The following NBEAL2 variants were observed in gnomAD, a reference collection of about 807,000 sequenced individuals.
NBEAL2 encodes neurobeachin-like protein 2.
Under a neutral mutation model 299.8 loss-of-function variants are expected in NBEAL2, and 160 were observed. That is an observed-to-expected ratio of 0.53 (90% CI 0.47 to 0.61). NBEAL2 has a LOEUF of 0.61. NBEAL2 is among the 20% of genes least tolerant of loss of function. The pLI is 0.00. For synonymous variants in NBEAL2, 1,493 were observed against 1,542.3 expected (o/e 0.97, Z 0.75); for missense variants, 3,112 against 3,649.0 (o/e 0.85, Z 3.79).
At position 47,005,975 on chromosome 3, in the gene NBEAL2, C is replaced by T. The variant is rs779972608; in HGVS notation, c.6831C>T (p.His2277=). The T allele has an allele frequency of 2.3e-5, 37 of 1,613,642 alleles. No individual in the cohort carries two copies. The highest frequency in any genetic ancestry group is 2.9e-5 in the Non-Finnish European group (34 of 1,179,900). The change falls in exon 43 of 54, where the codon CAC becomes CAT. Residue 2277 remains histidine (H), a synonymous_variant. Transcript: ENST00000450053. ...CGGAGTATGTGTCTGCACACCTACA[C>T]GAGTGGATCGACCTCATCTTTGGCT... is the stretch of plus-strand genomic sequence containing the variant. ...LESEYVSAHL[H]EWIDLIFGYK...
In NBEAL2 at chr3:46,996,254, C is replaced by A; in HGVS notation, c.2152-17C>A. On this transcript the variant is annotated splice_polypyrimidine_tract_variant and intron_variant, in intron 15 of 53. Transcript: ENST00000450053. ...TTCTGCTGTGACCTGACCGCTCCCC[C>A]AACCCCGGCCCCACAGCCTTTCTCC... 3.1e-6 allele frequency: 5 copies of A among 1,603,380 alleles called. No individual in the cohort carries two copies. The Middle Eastern group carries it at 5.0e-4, about 162-fold the overall frequency.
intron 39 of NBEAL2, 42 bp from the exon 40 acceptor site, chr3:47,005,139 C>T (rs760109794): frequency 1.2e-5 from 20 of 1,613,566 alleles, no homozygotes; most frequent in East Asian, 2.2e-5. Context: ...TAGGGAAAGG[C>T]GAGGGGAGGG....
Position 46,995,958 on chromosome 3 carries a change from TG to T in NBEAL2, c.2061del (p.Arg688AlafsTer131). ...WHCVAIVHVP[G>X]RRPFSQNLVH... is the part of the protein sequence containing the mutation. ...ACTGCGTGGCTATCGTCCATGTGCCTGGGCGCCGGCCCTTCAGCCAGAACCT... is the reference window on the plus strand; with the variant it reads ...ACTGCGTGGCTATCGTCCATGTGCCTGGCGCCGGCCCTTCAGCCAGAACCT... On this transcript the variant is annotated frameshift_variant, in exon 15 of 54. Transcript: ENST00000450053. LOFTEE classifies it high-confidence loss of function. 1 of 1,613,346 alleles carries T rather than the reference TG, an allele frequency of 6.2e-7. No individual in the cohort carries two copies. The highest frequency in any genetic ancestry group is 8.5e-7 in the Non-Finnish European group (1 of 1,179,774).
In NBEAL2 at chr3:47,001,153, G is replaced by C; in HGVS notation, c.4458G>C (p.Val1486=). 1 of 1,612,810 alleles carries C rather than the reference G, an allele frequency of 6.2e-7. No homozygotes were observed. Among genetic ancestry groups the C allele is most frequent in the Non-Finnish European group, 8.5e-7 (1 of 1,179,592 alleles). ...AGCTGGGGGCCTCAGCCACACTTGTGCGCCCACCAGACTGCATCAAGCGCA... is the reference window on the plus strand; with the variant it reads ...AGCTGGGGGCCTCAGCCACACTTGTCCGCCCACCAGACTGCATCAAGCGCA... ...LTQLGASATL[V]RPPDCIKRSL... is the part of the protein sequence containing the mutation. Residue 1486 remains valine, a synonymous_variant, in exon 28 of 54, where the codon GTG becomes GTC. Coordinates refer to ENST00000450053, the MANE Select transcript of NBEAL2 (RefSeq NM_015175.3). The surrounding 1 kb of genome is among the most constrained non-coding windows in gnomAD (Gnocchi z 6.1).
chr3:46,992,504 G>C lies in NBEAL2; in HGVS notation c.1062G>C (p.Glu354Asp). Residue 354 changes from glutamate to aspartate, a missense_variant, in exon 10 of 54, where the codon GAG becomes GAC. Around this residue, in one of 3 missense-constraint regions of NBEAL2, gnomAD observed 2,243 missense variants for 2,538.1 expected, o/e 0.88. Transcript: ENST00000450053. ...ACCTGCAGTCCCGGGCGCCCCCCGAGGGGGACAGTGACCTGGCTACCCGGT... is the reference window on the plus strand; with the variant it reads ...ACCTGCAGTCCCGGGCGCCCCCCGACGGGGACAGTGACCTGGCTACCCGGT... The part of the protein sequence containing the change: ...KLYLQSRAPP[E>D]GDSDLATRLL... The C allele has an allele frequency of 6.2e-7, 1 of 1,606,554 alleles. No individual in the cohort carries two copies. The highest frequency in any genetic ancestry group is 8.5e-7 in the Non-Finnish European group (1 of 1,176,970).
rs529201067 is a variant in NBEAL2 at position 47,001,488 on chromosome 3, A to C, written c.4644+50A>C. On this transcript the variant is annotated intron_variant, in intron 29 of 53. Coordinates refer to ENST00000450053, the MANE Select transcript of NBEAL2 (RefSeq NM_015175.3). This position sits in a 1 kb window ranked among gnomAD's most constrained non-coding sequence, Gnocchi z 6.1. ...GCCACATGAACACTCATGTTCATGCAAGCCTGCAGGGATCTGGTCTGGGAG... is the reference window on the plus strand; with the variant it reads ...GCCACATGAACACTCATGTTCATGCCAGCCTGCAGGGATCTGGTCTGGGAG... 2.5e-5 allele frequency: 39 copies of C among 1,586,928 alleles called. No homozygotes were observed. In the African/African-American group the frequency reaches 4.8e-4, roughly 20 times the overall value.
At position 46,993,957 on chromosome 3, in the gene NBEAL2, C is replaced by T. The variant is rs367672629; in HGVS notation, c.1134C>T (p.Asp378=). 5.0e-5 allele frequency: 81 copies of T among 1,611,314 alleles called. No homozygotes were observed. Among genetic ancestry groups the T allele is most frequent in the Middle Eastern group, 4.9e-4 (3 of 6,080 alleles). ...CCAAGGTCCTGGACCAAGACACAGA[C>T]GCCATTGCAGTCCATGTAGTCAGAG... ...DVQKVLDQDT[D]AIAVHVVRVL... The change falls in exon 11 of 54, where the codon GAC becomes GAT. Residue 378 remains aspartate (D), a synonymous_variant. Coordinates refer to ENST00000450053, the MANE Select transcript of NBEAL2 (RefSeq NM_015175.3).
At chr3:46,993,613 G>A (rs2036265543) in intron 10 of NBEAL2, among the ~76,000 whole-genome samples, 1 of 152,210 alleles carries the variant, frequency 6.6e-6, no homozygotes, top group Admixed American at 6.5e-5. Context: ...AGGGAGACAG[G>A]TTGGGGGTAG....
Position 47,002,059 on chromosome 3 carries a change from C to T in NBEAL2, c.4922C>T (p.Ala1641Val). The T allele has an allele frequency of 6.4e-7, 1 of 1,553,696 alleles. No homozygotes were observed. Among genetic ancestry groups the T allele is most frequent in the Non-Finnish European group, 8.7e-7 (1 of 1,148,694 alleles). ...RVLNTSSLES[A>V]TDEAGSPLAA... Reference sequence around the variant, plus strand: ...CTGAACACCTCTTCCTTGGAGTCAGCCACTGATGAGGCAGGGTCCCCACTT... The same window carrying T: ...CTGAACACCTCTTCCTTGGAGTCAGTCACTGATGAGGCAGGGTCCCCACTT... The change falls in exon 31 of 54, where the codon GCC becomes GTC. Residue 1641 changes from alanine to valine, a missense_variant. By Grantham distance (64) the Ala-to-Val change is moderately conservative (BLOSUM62 0). Transcript: ENST00000450053.
In NBEAL2 at chr3:46,988,601, C is replaced by T; in HGVS notation, c.52-68C>T. 1.5e-6 allele frequency: 2 copies of T among 1,356,518 alleles called. No homozygotes were observed. Among genetic ancestry groups the T allele is most frequent in the South Asian group, 1.2e-5 (1 of 85,186 alleles). 84.0% of individuals were successfully genotyped at this position (1,356,518 alleles called of 1,614,324 possible). A position where few individuals can be genotyped will look rare whatever the true frequency, so the allele number is the denominator to read the frequency against. On this transcript the variant is annotated intron_variant, in intron 1 of 53. Transcript: ENST00000450053. The surrounding 1 kb of genome is among the most constrained non-coding windows in gnomAD (Gnocchi z 4.4). ...TTCATTCTTCGCCTCTGTCTACATC[C>T]CCTTGTCCCTGCCCTGTTTACTGCA... is the stretch of plus-strand genomic sequence containing the variant.
At chr3:46,986,352 G>T (rs2035671585) in intron 1 of NBEAL2, among the ~76,000 whole-genome samples, 1 of 152,192 alleles carries the variant, frequency 6.6e-6, no homozygotes, top group South Asian at 2.1e-4. Context: ...AGGGTGGGAG[G>T]TTCCTGCTCA....
rs765451064 is a variant in NBEAL2 at position 47,002,639 on chromosome 3, C to T, written c.5302-6C>T. 3 of 1,608,512 alleles carry T rather than the reference C, an allele frequency of 1.9e-6. No homozygotes were observed. Among genetic ancestry groups the T allele is most frequent in the South Asian group, 2.2e-5 (2 of 90,444 alleles). Reference sequence around the variant, plus strand: ...CCAGGGGACTGACCTATTACCCCCACCCCAGGAGCTGGTGCTGGAACCTGC... The same window carrying T: ...CCAGGGGACTGACCTATTACCCCCATCCCAGGAGCTGGTGCTGGAACCTGC... On this transcript the variant is annotated splice_polypyrimidine_tract_variant and splice_region_variant and intron_variant, in intron 32 of 53. Transcript: ENST00000450053.
Position 47,002,003 on chromosome 3 carries a change from C to A in NBEAL2, c.4866C>A (p.Leu1622=). The A allele has an allele frequency of 6.3e-7, 1 of 1,598,480 alleles. No individual in the cohort carries two copies. Among genetic ancestry groups the A allele is most frequent in the Non-Finnish European group, 8.5e-7 (1 of 1,173,202 alleles). The part of the protein sequence containing the change: ...PARREEACYV[L]SKLEAALGRV... ...GCCGCGAGGAGGCCTGCTATGTGCTCTCCAAGCTGGAGGCTGCACTGGGGC... is the reference window on the plus strand; with the variant it reads ...GCCGCGAGGAGGCCTGCTATGTGCTATCCAAGCTGGAGGCTGCACTGGGGC... The change falls in exon 31 of 54, where the codon CTC becomes CTA. Residue 1622 remains leucine (L), a synonymous_variant. Transcript: ENST00000450053.
At chr3:46,981,124 T>C (rs898500304) in intron 1 of NBEAL2, among the ~76,000 whole-genome samples, 1 of 152,216 alleles carries the variant, frequency 6.6e-6, no homozygotes, top group African/African-American at 2.4e-5. Flanking sequence ...ACTCGACTTC[T>C]GAGCCTCTGC....
chr3:47,001,351 C>A lies in NBEAL2; in HGVS notation c.4557C>A (p.Leu1519=). The A allele has an allele frequency of 6.2e-7, 1 of 1,613,326 alleles. No individual in the cohort carries two copies. The highest frequency in any genetic ancestry group is 2.2e-5 in the East Asian group (1 of 44,874). ...CCCCCGTGGGGGTCCTGGCCAGCCT[C>A]ACCCAGCAAGCGCTTTGGCTGCTGC... The part of the protein sequence containing the change: ...KEAPVGVLAS[L]TQQALWLLRL... Residue 1519 remains leucine (L), a synonymous_variant, in exon 29 of 54, where the codon CTC becomes CTA. Transcript: ENST00000450053. This position sits in a 1 kb window ranked among gnomAD's most constrained non-coding sequence, Gnocchi z 6.1.
intron 24 of NBEAL2, 44 bp from the exon 25 acceptor site, chr3:46,999,270 TA>T: frequency 6.4e-7 from 1 of 1,572,428 alleles, no homozygotes; most frequent in Non-Finnish European, 8.6e-7. Context: ...CCTCCTACAG[TA>T]ACTCCTTCCA....
In NBEAL2 at chr3:46,995,771, G is replaced by A; in HGVS notation, c.1956G>A (p.Leu652=). The change falls in exon 14 of 54, where the codon CTG becomes CTA. Residue 652 remains leucine (L), a synonymous_variant. Transcript: ENST00000450053. ...FEAFFTAAGT[L]VVAVCTRKEY... is the part of the protein sequence containing the mutation. ...CCTTCTTCACGGCGGCCGGGACCCT[G>A]GTGGTGGCTGTGTGCACACGGAAGG... 3.1e-6 allele frequency: 5 copies of A among 1,613,770 alleles called. No individual in the cohort carries two copies. Among genetic ancestry groups the A allele is most frequent in the South Asian group, 1.1e-5 (1 of 91,084 alleles).
At chr3:47,007,037 C>T in intron 45 of NBEAL2, 29 bp from the exon 46 acceptor site, 1 of 1,565,526 alleles carries the variant, frequency 6.4e-7, no homozygotes, top group East Asian at 2.2e-5. Context: ...AGTACTCAGG[C>T]ATAGCTAGGC....
chr3:47,005,217 C>T lies in NBEAL2; in HGVS notation c.6456C>T (p.Asp2152=), dbSNP rs369322533. 31 of 1,613,754 alleles carry T rather than the reference C, an allele frequency of 1.9e-5. No individual in the cohort carries two copies. The African/African-American group carries it at 2.1e-4, about 11-fold the overall frequency. Residue 2152 remains aspartate (D), a synonymous_variant, in exon 40 of 54, where the codon GAC becomes GAT. Coordinates refer to ENST00000450053, the MANE Select transcript of NBEAL2 (RefSeq NM_015175.3). ...TTGAGGACCCAGCAGGGACCATTGA[C>T]AAGTTCCACTATGGCACCCACTACT... The part of the protein sequence containing the change: ...ESFEDPAGTI[D]KFHYGTHYSN...
Sources: allele counts gnomAD v4.1 joint callset (sites outside exome capture counted in the v4.1 genomes callset), GRCh38; gene constraint gnomAD v4.1.1; regional missense constraint gnomAD v4.1.1; non-coding constraint Gnocchi (gnomAD v3.1); transcripts MANE v1.5; gene names NCBI Gene and HGNC (gene_info 2026-07-23, HGNC 2026-07-21).